The following NEGR1 variants were observed in gnomAD, a reference collection of about 807,000 sequenced individuals.
The protein encoded by NEGR1 is IgLON family member 4.
A neutral mutation model predicts 40.9 loss-of-function variants in NEGR1; 10 were observed. The observed-to-expected ratio is 0.24, with a 90% CI of 0.15 to 0.42. The LOEUF (loss-of-function observed/expected upper bound fraction) is 0.42. NEGR1 is among the 10% of genes least tolerant of loss of function. The pLI, the probability that NEGR1 is intolerant of heterozygous loss-of-function variation, is 1.00. For synonymous variants in NEGR1, 185 were observed against 166.8 expected (o/e 1.11, Z -0.84); for missense variants, 352 against 438.9 (o/e 0.80, Z 1.77).
intron 6 of NEGR1, among the ~76,000 whole-genome samples, chr1:71,588,327 G>C (rs918634243): frequency 5.3e-5 from 8 of 152,034 alleles, no homozygotes; most frequent in African/African-American, 1.9e-4. Context: ...TGAATAGTTG[G>C]CATACTGTCA....
intron 2 of NEGR1, among the ~76,000 whole-genome samples, chr1:71,810,137 A>G (rs144398691): frequency 2.6e-5 from 4 of 152,114 alleles, no homozygotes; most frequent in African/African-American, 9.7e-5. Context: ...ATTAACTAGC[A>G]ATGACAGACA....
chr1:72,132,638 A>G (rs1175020751), intron 1 of NEGR1, among the ~76,000 whole-genome samples: 1 of 152,222 alleles, frequency 6.6e-6, no homozygotes. Flanking sequence ...TGTAACCACA[A>G]TAAGTGAGAA....
intron 2 of NEGR1, among the ~76,000 whole-genome samples, chr1:71,780,313 A>G (rs1656668111): frequency 6.6e-6 from 1 of 152,234 alleles, no homozygotes; most frequent in Admixed American, 6.5e-5. Flanking sequence ...AAAGAAATAT[A>G]TTGATGAGTG....
chr1:71,793,055 G>A (rs1429320617), intron 2 of NEGR1, among the ~76,000 whole-genome samples: 1 of 150,554 alleles, frequency 6.6e-6, no homozygotes, highest in African/African-American at 2.4e-5. Flanking sequence ...AACCTCCCAG[G>A]AGTGATCCTC....
intron 3 of NEGR1, among the ~76,000 whole-genome samples, chr1:71,732,740 A>C (rs1425525840): frequency 6.6e-6 from 1 of 152,186 alleles, no homozygotes; most frequent in Non-Finnish European, 1.5e-5. Flanking sequence ...AAGAATGTTC[A>C]ATTTTCTCTT....
At chr1:72,058,815 G>A (rs1032714139) in intron 1 of NEGR1, among the ~76,000 whole-genome samples, 1 of 151,578 alleles carries the variant, frequency 6.6e-6, no homozygotes, top group African/African-American at 2.4e-5. Flanking sequence ...TATATGAAAA[G>A]AATTAAAATG....
intron 6 of NEGR1, among the ~76,000 whole-genome samples, chr1:71,498,717 C>T (rs1480340393): frequency 6.6e-6 from 1 of 152,150 alleles, no homozygotes; most frequent in Non-Finnish European, 1.5e-5. Context: ...CCAGTCATTT[C>T]CAAGAGCTAA....
At chr1:71,902,599 ATTTCACC>A (rs1027132370) in intron 2 of NEGR1, among the ~76,000 whole-genome samples, 6 of 152,054 alleles carry the variant, frequency 3.9e-5, no homozygotes, top group Non-Finnish European at 8.8e-5. Context: ...CCAATTTATC[ATTTCACC>A]TTTGAATTAA....
intron 6 of NEGR1, among the ~76,000 whole-genome samples, chr1:71,568,376 A>G (rs1648689566): frequency 6.6e-6 from 1 of 152,182 alleles, no homozygotes; most frequent in African/African-American, 2.4e-5. Context: ...TACCTATGAG[A>G]GATTCTCTTG....
intron 1 of NEGR1, among the ~76,000 whole-genome samples, chr1:72,127,301 A>G (rs916385732): frequency 2.6e-5 from 4 of 151,642 alleles, no homozygotes; most frequent in Admixed American, 1.3e-4. Context: ...TGTCTCTACT[A>G]AAAAAACAAA....
At position 71,903,730 on chromosome 1, in the gene NEGR1, T is replaced by TAC. The variant is rs144246015; in HGVS notation, c.409+31347_409+31348dup. ...CTCTCTCCATATATATGTATATATG[T>TAC]ACACACACACACACATCCCTAATAC... On this transcript the variant is annotated intron_variant, in intron 2 of 6. Coordinates refer to ENST00000357731, the MANE Select transcript of NEGR1 (RefSeq NM_173808.3). 1.4e-4 allele frequency among the ~76,000 whole-genome samples: 21 copies of TAC among 150,882 alleles called. No individual in the cohort carries two copies. The East Asian group carries it at 2.1e-3, about 15-fold the overall frequency.
intron 4 of NEGR1, among the ~76,000 whole-genome samples, chr1:71,650,514 G>A (rs1206174211): frequency 1.3e-5 from 2 of 152,176 alleles, no homozygotes; most frequent in East Asian, 3.8e-4. Context: ...ATTTTGAAAT[G>A]TAGACTGCAT....
chr1:72,028,944 A>C (rs543234619), intron 1 of NEGR1, among the ~76,000 whole-genome samples: 9 of 152,334 alleles, frequency 5.9e-5, no homozygotes, highest in African/African-American at 2.2e-4. Flanking sequence ...ACGACACAAA[A>C]TACGCAAAAG....
At position 71,820,270 on chromosome 1, in the gene NEGR1, C is replaced by A. The variant is rs558308350; in HGVS notation, c.410-43973G>T. ...AGTTAGATGACCAGAAGATTGAGGG[C>A]AGTCACAGCAATAAAAATTCATGAT... On this transcript the variant is annotated intron_variant, in intron 2 of 6. Coordinates refer to ENST00000357731, the MANE Select transcript of NEGR1 (RefSeq NM_173808.3). Among the ~76,000 whole-genome samples, 8 of 151,910 alleles carry A rather than the reference C, an allele frequency of 5.3e-5. No individual in the cohort carries two copies. The South Asian group carries it at 1.7e-3, about 31-fold the overall frequency.
At chr1:71,808,076 A>T (rs1030033862) in intron 2 of NEGR1, among the ~76,000 whole-genome samples, 1 of 152,162 alleles carries the variant, frequency 6.6e-6, no homozygotes, top group African/African-American at 2.4e-5. Context: ...TTGTTCCATA[A>T]TGTATAAAAT....
chr1:71,731,584 G>T (rs540055469), intron 3 of NEGR1, among the ~76,000 whole-genome samples: 8 of 152,252 alleles, frequency 5.3e-5, no homozygotes, highest in South Asian at 2.1e-4. Context: ...ATAAAGACAA[G>T]ATTTTTCTTT....
chr1:71,496,621 T>G (rs1557546058), intron 6 of NEGR1, among the ~76,000 whole-genome samples: 2 of 152,066 alleles, frequency 1.3e-5, no homozygotes, highest in African/African-American at 4.8e-5. Context: ...GATAATGCTT[T>G]TCAGAAAGAA....
At position 72,203,034 on chromosome 1, in the gene NEGR1, T is replaced by C. The variant is rs1331700872; in HGVS notation, c.176+79285A>G. 2.6e-5 allele frequency among the ~76,000 whole-genome samples: 4 copies of C among 152,074 alleles called. No individual in the cohort carries two copies. In the East Asian group the frequency reaches 5.8e-4, roughly 22 times the overall value. ...ACACTTAGTCACCCCAGAGTTCTGATGGAGATGTACAAAGAGATTAATATT... is the reference window on the plus strand; with the variant it reads ...ACACTTAGTCACCCCAGAGTTCTGACGGAGATGTACAAAGAGATTAATATT... On this transcript the variant is annotated intron_variant, in intron 1 of 6. Coordinates refer to ENST00000357731, the MANE Select transcript of NEGR1 (RefSeq NM_173808.3).
At chr1:71,429,295 A>G (rs1404508143) in intron 6 of NEGR1, among the ~76,000 whole-genome samples, 2 of 152,194 alleles carry the variant, frequency 1.3e-5, no homozygotes, top group South Asian at 2.1e-4. Context: ...ACAAATCTCT[A>G]TGTACCATCA....
Sources: gnomAD v4.1 joint callset for allele counts (sites outside exome capture counted in the v4.1 genomes callset) on GRCh38, gnomAD v4.1.1 for gene constraint, MANE v1.5 for transcripts, NCBI Gene and HGNC (gene_info 2026-07-23, HGNC 2026-07-21) for gene names.